Variants in DCAF5 observed in about 807,000 individuals in gnomAD.
DCAF5 encodes the protein DDB1 and CUL4 associated factor 5, also known as DDB1- and CUL4-associated factor 5.
A neutral mutation model predicts 80.7 loss-of-function variants in DCAF5; 9 were observed. The observed-to-expected ratio is 0.11, with a 90% confidence interval of 0.07 to 0.19. The LOEUF is 0.19. Ranked by LOEUF, DCAF5 falls within the 10% of genes least tolerant of loss-of-function variation. DCAF5 has a pLI of 1.00. For missense variants in DCAF5, 842 were observed against 1,205.7 expected, an observed-to-expected ratio of 0.70 and a Z score of 4.47; for synonymous variants, 433 against 461.9, an observed-to-expected ratio of 0.94 and a Z score of 0.80.
intron 3 of DCAF5, 72 bp downstream of exon 3, chr14:69,119,122 C>A: frequency 1.3e-6 from 2 of 1,497,830 alleles, no homozygotes; most frequent in South Asian, 1.3e-5. Context: ...CTATTTTAGT[C>A]TAAAGAGATA....
At chr14:69,102,295 G>C (rs902924046) in intron 5 of DCAF5, among the ~76,000 whole-genome samples, 3 of 151,672 alleles carry the variant, frequency 2.0e-5, no homozygotes, top group African/African-American at 7.3e-5. Flanking sequence ...TTTTAGTAGA[G>C]ATAGGGTTTC....
chr14:69,098,893 CAA>C (rs57089112), intron 5 of DCAF5, among the ~76,000 whole-genome samples: 90 of 59,576 alleles, frequency 1.5e-3, no homozygotes, highest in African/African-American at 3.7e-3. Flanking sequence ...ACTCTGTCTC[CAA>C]AAAAAAAAAA....
chr14:69,119,264 G>T (rs558114074), intron 2 of DCAF5, 34 bp from the exon 3 acceptor site: 15 of 1,608,208 alleles, frequency 9.3e-6, no homozygotes. Context: ...CTGATCATTC[G>T]TGCAAGGTGG....
chr14:69,065,256 C>T (rs1173617284), intron 7 of DCAF5, among the ~76,000 whole-genome samples: 1 of 152,008 alleles, frequency 6.6e-6, no homozygotes, highest in African/African-American at 2.4e-5. Context: ...ACCACCATGC[C>T]CAGCTAATTT....
intron 1 of DCAF5, among the ~76,000 whole-genome samples, chr14:69,126,754 G>A (rs930776188): frequency 6.6e-6 from 1 of 152,198 alleles, no homozygotes; most frequent in Non-Finnish European, 1.5e-5. Flanking sequence ...ACAGACCCAC[G>A]TAAGTATAAT....
At chr14:69,090,824 C>A (rs564410955) in intron 6 of DCAF5, 7 of 405,076 alleles carry the variant, frequency 1.7e-5, no homozygotes, top group Non-Finnish European at 3.1e-5. Flanking sequence ...TAAACATTAG[C>A]GAGAGACTAA....
Position 69,152,711 on chromosome 14 carries a change from G to A in DCAF5, c.214+54C>T. 2 of 1,394,742 alleles carry A rather than the reference G, an allele frequency of 1.4e-6. No homozygotes were observed. Among genetic ancestry groups the A allele is most frequent in the Non-Finnish European group, 2.0e-6 (2 of 1,013,752 alleles). 86.4% of individuals were successfully genotyped at this position (1,394,742 alleles called of 1,614,324 possible). On this transcript the variant is annotated intron_variant, in intron 1 of 8. Transcript: ENST00000341516. The surrounding 1 kb of genome is among the most constrained non-coding windows in gnomAD (Gnocchi z 4.1). The stretch of plus-strand genomic sequence containing the variant: ...GGAGGGTGACGGGGGAGAGCGAGAG[G>A]GGGAGGCTGGGAGGGTGCGGGGAGG...
At position 69,101,245 on chromosome 14, in the gene DCAF5, T is replaced by C. The variant is rs115493292; in HGVS notation, c.666-9358A>G. Reference sequence around the variant, plus strand: ...TAAAAAGAACAGCATCAGACTGCAATGCATCAGGGCCAGAAGGATTCATCT... The same window carrying C: ...TAAAAAGAACAGCATCAGACTGCAACGCATCAGGGCCAGAAGGATTCATCT... On this transcript the variant is annotated intron_variant, in intron 5 of 8. Coordinates refer to ENST00000341516, the MANE Select transcript of DCAF5 (RefSeq NM_003861.3). 8.7e-3 allele frequency among the ~76,000 whole-genome samples: 1,329 copies of C among 152,342 alleles called. 16 individuals carry two copies. The highest frequency in any genetic ancestry group is 0.029 in the African/African-American group (1,186 of 41,582).
chr14:69,139,937 GGAGA>G (rs2041313419), intron 1 of DCAF5, among the ~76,000 whole-genome samples: 1 of 149,380 alleles, frequency 6.7e-6, no homozygotes, highest in Admixed American at 6.7e-5. Context: ...AGGAAGGGAG[GGAGA>G]GAAAGGGAAG....
Position 69,152,967 on chromosome 14 carries a change from T to C in DCAF5, c.12A>G (p.Arg4=). The C allele has an allele frequency of 6.2e-7, 1 of 1,600,176 alleles. No individual in the cohort carries two copies. Among genetic ancestry groups the C allele is most frequent in the Non-Finnish European group, 8.5e-7 (1 of 1,174,876 alleles). Residue 4 remains arginine (R), a synonymous_variant, in exon 1 of 9, where the codon AGA becomes AGG. Transcript: ENST00000341516. The surrounding 1 kb of genome is among the most constrained non-coding windows in gnomAD (Gnocchi z 4.1). The part of the protein sequence containing the change: MKR[R]AGLGGSMRSV... ...ACCTCATGCTGCCCCCCAGGCCAGCTCTCCTCTTCATGCTGGAACCGCCGC... is the reference window on the plus strand; with the variant it reads ...ACCTCATGCTGCCCCCCAGGCCAGCCCTCCTCTTCATGCTGGAACCGCCGC...
chr14:69,115,186 C>CA (rs2040503477), intron 5 of DCAF5, among the ~76,000 whole-genome samples: 1 of 152,192 alleles, frequency 6.6e-6, no homozygotes, highest in Non-Finnish European at 1.5e-5. Context: ...AAAGGCACAT[C>CA]AGGGGTCCTG....
intron 1 of DCAF5, among the ~76,000 whole-genome samples, chr14:69,127,180 T>C (rs1425921445): frequency 6.6e-6 from 1 of 152,252 alleles, no homozygotes; most frequent in Admixed American, 6.5e-5. Flanking sequence ...CAAAGACCTG[T>C]ACATGGATTT....
intron 5 of DCAF5, among the ~76,000 whole-genome samples, chr14:69,100,702 A>G (rs1042888879): frequency 6.6e-6 from 1 of 152,236 alleles, no homozygotes; most frequent in African/African-American, 2.4e-5. Context: ...AGAATAGAAA[A>G]CAGATTCAAA....
chr14:69,057,324 G>C (rs2038015056), intron 8 of DCAF5, among the ~76,000 whole-genome samples: 2 of 150,166 alleles, frequency 1.3e-5, no homozygotes, highest in South Asian at 4.3e-4. Flanking sequence ...GAAGCTGAGG[G>C]GTCCAAAAGG....
intron 6 of DCAF5, among the ~76,000 whole-genome samples, chr14:69,085,670 A>T (rs941704310): frequency 6.6e-6 from 1 of 152,192 alleles, no homozygotes; most frequent in African/African-American, 2.4e-5. Context: ...TCCCTCCCTC[A>T]TACATACAAA....
chr14:69,054,586 G>C lies in DCAF5; in HGVS notation c.2100C>G (p.Asp700Glu). The C allele has an allele frequency of 1.2e-6, 2 of 1,614,172 alleles. No individual in the cohort carries two copies. Among genetic ancestry groups the C allele is most frequent in the Non-Finnish European group, 1.7e-6 (2 of 1,180,022 alleles). ...CCTTACTGGAAGAAGGGGCTGGGTT[G>C]TCTTTGTGGCTGGTTCCTGCTCTCC... ...DEGRAGTSHK[D>E]NPAPSSSKEA... Residue 700 changes from aspartate (D) to glutamate (E), a missense_variant, in exon 9 of 9, where the codon GAC becomes GAG. This residue lies in a region of DCAF5 where 607 missense variants were observed against 656.6 expected (regional missense o/e 0.92). Coordinates refer to ENST00000341516, the MANE Select transcript of DCAF5 (RefSeq NM_003861.3).
chr14:69,139,096 A>G (rs901532571), intron 1 of DCAF5, among the ~76,000 whole-genome samples: 2 of 152,164 alleles, frequency 1.3e-5, no homozygotes, highest in Admixed American at 6.5e-5. Context: ...GGCTGCAGTA[A>G]GCTGTGATCA....
intron 1 of DCAF5, among the ~76,000 whole-genome samples, chr14:69,127,273 G>A (rs1482711907): frequency 6.6e-6 from 1 of 152,162 alleles, no homozygotes; most frequent in Non-Finnish European, 1.5e-5. Context: ...TAAATCAACT[G>A]TAGTACAACC....
chr14:69,145,011 C>T (rs989911809), intron 1 of DCAF5, among the ~76,000 whole-genome samples: 11 of 152,170 alleles, frequency 7.2e-5, no homozygotes. Flanking sequence ...AAGCTTCAAT[C>T]TTGATCATCT....
Sources: gnomAD v4.1 joint callset for allele counts (sites outside exome capture counted in the v4.1 genomes callset) on GRCh38, gnomAD v4.1.1 for gene constraint, gnomAD v4.1.1 regional missense constraint, Gnocchi (gnomAD v3.1) non-coding constraint, MANE v1.5 for transcripts, NCBI Gene and HGNC (gene_info 2026-07-23, HGNC 2026-07-21) for gene names.